Variants in FAT3 observed in about 807,000 individuals in gnomAD.
The protein encoded by FAT3 is FAT atypical cadherin 3.
FAT3 carries 95 observed loss-of-function variants against 310.2 expected under a neutral mutation model. The observed-to-expected ratio is 0.31, with a 90% CI of 0.26 to 0.36. The LOEUF is 0.36. Ranked by LOEUF, FAT3 falls within the 10% of genes least tolerant of loss-of-function variation. The pLI is 1.00. For synonymous variants in FAT3, 2,314 were observed against 2,192.9 expected (o/e 1.06, Z -1.54); for missense variants, 5,408 against 5,715.6 (o/e 0.95, Z 1.74).
chr11:92,763,006 A>G (rs968580502), intron 5 of FAT3, among the ~76,000 whole-genome samples: 3 of 152,034 alleles, frequency 2.0e-5, no homozygotes, highest in Non-Finnish European at 4.4e-5. Context: ...AAAAATATAA[A>G]AAATTAGCTG....
intron 1 of FAT3, among the ~76,000 whole-genome samples, chr11:92,347,890 A>G (rs1948458218): frequency 6.6e-6 from 1 of 152,230 alleles, no homozygotes; most frequent in Non-Finnish European, 1.5e-5. Context: ...ATCAATGTGC[A>G]GAGCATCTAA....
At chr11:92,271,658 G>A (rs986092427) in intron 1 of FAT3, among the ~76,000 whole-genome samples, 11 of 152,128 alleles carry the variant, frequency 7.2e-5, no homozygotes, top group Non-Finnish European at 1.5e-5. Context: ...CTGATTGACT[G>A]AGTGACATTT....
intron 2 of FAT3, among the ~76,000 whole-genome samples, chr11:92,397,343 G>A (rs1349530293): frequency 1.3e-5 from 2 of 152,162 alleles, no homozygotes; most frequent in Non-Finnish European, 2.9e-5. Context: ...AAGGGAATTA[G>A]TTTAATTGTG....
chr11:92,497,823 C>G lies in FAT3; in HGVS notation c.3293-26811C>G, dbSNP rs147626072. 4.7e-3 allele frequency among the ~76,000 whole-genome samples: 712 copies of G among 152,078 alleles called. 4 individuals are homozygous for G. Among genetic ancestry groups the G allele is most frequent in the Non-Finnish European group, 7.9e-3 (538 of 67,952 alleles). On this transcript the variant is annotated intron_variant, in intron 2 of 27. Coordinates refer to ENST00000525166, the MANE Select transcript of FAT3 (RefSeq NM_001367949.2). ...ACAGCCCAGCAATTAGATGGAGCCT[C>G]GGATGAGGTGGTTTGTAATCTTTAA...
chr11:92,774,009 T>C, intron 6 of FAT3, 32 bp from the exon 7 acceptor site: 1 of 1,609,686 alleles, frequency 6.2e-7, no homozygotes, highest in East Asian at 2.2e-5. Flanking sequence ...GTTATCAGAT[T>C]TGCTAATTTC....
chr11:92,383,228 C>T (rs892370173), intron 2 of FAT3, among the ~76,000 whole-genome samples: 3 of 152,150 alleles, frequency 2.0e-5, no homozygotes, highest in African/African-American at 7.2e-5. Context: ...TTTCTTTATC[C>T]AGTCTGTCAC....
intron 3 of FAT3, among the ~76,000 whole-genome samples, chr11:92,664,879 C>A (rs1307122957): frequency 6.6e-6 from 1 of 152,182 alleles, no homozygotes; most frequent in Non-Finnish European, 1.5e-5. Flanking sequence ...CATCCCCACT[C>A]CCAACAAGGG....
intron 2 of FAT3, among the ~76,000 whole-genome samples, chr11:92,478,770 C>T (rs1050785948): frequency 6.6e-6 from 1 of 152,000 alleles, no homozygotes; most frequent in African/African-American, 2.4e-5. Context: ...GTTCCCACCA[C>T]CACACTTGGC....
At chr11:92,707,525 AACTGGCTTCT>A (rs1047810803) in intron 4 of FAT3, among the ~76,000 whole-genome samples, 1 of 152,164 alleles carries the variant, frequency 6.6e-6, no homozygotes, top group African/African-American at 2.4e-5. Flanking sequence ...GGTATTGCAC[AACTGGCTTCT>A]ACCTTCTTGG....
At chr11:92,485,636 G>C (rs1952357522) in intron 2 of FAT3, among the ~76,000 whole-genome samples, 1 of 152,104 alleles carries the variant, frequency 6.6e-6, no homozygotes, top group Admixed American at 6.6e-5. Context: ...GAAAATATTT[G>C]TCTGCATCTT....
At chr11:92,605,403 C>A (rs1362232373) in intron 3 of FAT3, among the ~76,000 whole-genome samples, 1 of 152,160 alleles carries the variant, frequency 6.6e-6, no homozygotes, top group African/African-American at 2.4e-5. Context: ...CACAGGCACC[C>A]ACTCTAACTC....
At chr11:92,652,887 G>A (rs1315858385) in intron 3 of FAT3, among the ~76,000 whole-genome samples, 1 of 152,132 alleles carries the variant, frequency 6.6e-6, no homozygotes, top group Non-Finnish European at 1.5e-5. Flanking sequence ...TCTCAGACAG[G>A]CACAGTGGCT....
intron 1 of FAT3, among the ~76,000 whole-genome samples, chr11:92,316,215 C>G (rs555611585): frequency 2.0e-4 from 31 of 151,930 alleles, no homozygotes; most frequent in African/African-American, 7.5e-4. Context: ...AATAGGGGGA[C>G]CAGCTTACTT....
intron 2 of FAT3, among the ~76,000 whole-genome samples, chr11:92,505,533 C>T (rs566383947): frequency 1.3e-5 from 2 of 152,110 alleles, no homozygotes; most frequent in Non-Finnish European, 2.9e-5. Context: ...CTACATCTGC[C>T]GCAGCTTTCT....
chr11:92,379,594 T>G (rs1233310179), intron 2 of FAT3, among the ~76,000 whole-genome samples: 2 of 152,194 alleles, frequency 1.3e-5, no homozygotes, highest in Non-Finnish European at 2.9e-5. Flanking sequence ...CTGGGACAAT[T>G]CATTTTCTGA....
chr11:92,642,986 A>G (rs569637714), intron 3 of FAT3, among the ~76,000 whole-genome samples: 13 of 152,344 alleles, frequency 8.5e-5, no homozygotes, highest in Non-Finnish European at 2.9e-5. Context: ...GTGAGGTAAT[A>G]TGAATGAATA....
intron 2 of FAT3, among the ~76,000 whole-genome samples, chr11:92,393,223 T>A (rs922819539): frequency 1.3e-5 from 2 of 152,024 alleles, no homozygotes; most frequent in Admixed American, 1.3e-4. Flanking sequence ...TACATGCACA[T>A]GTGTACCTGT....
intron 6 of FAT3, among the ~76,000 whole-genome samples, chr11:92,770,217 A>G (rs34349197): frequency 1.3e-5 from 2 of 152,190 alleles, no homozygotes; most frequent in East Asian, 1.9e-4. Flanking sequence ...AGTCTGGTCC[A>G]TAGGAGCACA....
intron 1 of FAT3, among the ~76,000 whole-genome samples, chr11:92,344,347 C>T (rs79737443): frequency 6.6e-6 from 1 of 152,138 alleles, no homozygotes; most frequent in African/African-American, 2.4e-5. Flanking sequence ...GATGAGAATC[C>T]TCCCTTTGTC....
Sources: allele counts gnomAD v4.1 joint callset (sites outside exome capture counted in the v4.1 genomes callset), GRCh38; gene constraint gnomAD v4.1.1; transcripts MANE v1.5; gene names NCBI Gene and HGNC (gene_info 2026-07-23, HGNC 2026-07-21).